The following ATRNL1 variants were observed in gnomAD, a reference collection of about 807,000 sequenced individuals.
ATRNL1 encodes attractin like 1.
In ATRNL1, 95 loss-of-function variants were observed where a neutral mutation model predicts 182.7. The observed-to-expected ratio is 0.52, with a 90% CI of 0.44 to 0.62. The LOEUF is 0.62. Among genes scored for constraint, ATRNL1 ranks in the 20% least tolerant of loss-of-function variants. The pLI is 0.00. For synonymous variants in ATRNL1, 576 were observed against 568.3 expected (o/e 1.01, Z -0.19); for missense variants, 1,471 against 1,679.5 (o/e 0.88, Z 2.17).
intron 19 of ATRNL1, among the ~76,000 whole-genome samples, chr10:115,353,197 G>T (rs1433858441): frequency 1.3e-5 from 2 of 152,140 alleles, no homozygotes; most frequent in African/African-American, 4.8e-5. Context: ...ATTGGAGTCT[G>T]TCTTTCTCTT....
intron 24 of ATRNL1, among the ~76,000 whole-genome samples, chr10:115,508,213 G>A (rs1247619880): frequency 6.6e-6 from 1 of 151,996 alleles, no homozygotes; most frequent in Non-Finnish European, 1.5e-5. Context: ...GCCAAAAACT[G>A]TACCTATATA....
intron 5 of ATRNL1, among the ~76,000 whole-genome samples, chr10:115,143,968 G>T (rs1554878698): frequency 2.0e-5 from 3 of 150,690 alleles, no homozygotes; most frequent in African/African-American, 7.4e-5. Flanking sequence ...AATAATATGA[G>T]AATTTTTTTT....
At chr10:115,356,776 T>C (rs1554942965) in intron 19 of ATRNL1, among the ~76,000 whole-genome samples, 1 of 151,978 alleles carries the variant, frequency 6.6e-6, no homozygotes, top group Non-Finnish European at 1.5e-5. Flanking sequence ...CAACTTTTGC[T>C]ATTTGAATAG....
At chr10:115,133,619 G>A (rs1298038264) in intron 5 of ATRNL1, among the ~76,000 whole-genome samples, 4 of 152,032 alleles carry the variant, frequency 2.6e-5, no homozygotes, top group Non-Finnish European at 4.4e-5. Context: ...ACACCCCACT[G>A]TCAATATTAG....
intron 18 of ATRNL1, among the ~76,000 whole-genome samples, chr10:115,323,149 G>A (rs1554932024): frequency 6.6e-6 from 1 of 151,858 alleles, no homozygotes; most frequent in African/African-American, 2.4e-5. Flanking sequence ...TGTCCCATAT[G>A]TTTTTCCAAG....
At chr10:115,928,772 T>A (rs1316176649) in intron 28 of ATRNL1, among the ~76,000 whole-genome samples, 1 of 152,010 alleles carries the variant, frequency 6.6e-6, no homozygotes, top group East Asian at 1.9e-4. Flanking sequence ...ATACATATGA[T>A]AAAATATTTT....
chr10:115,930,485 C>A (rs1441200614), intron 28 of ATRNL1, among the ~76,000 whole-genome samples: 2 of 152,102 alleles, frequency 1.3e-5, no homozygotes, highest in African/African-American at 2.4e-5. Context: ...AGTCCAACAG[C>A]CAGGCAATTC....
intron 19 of ATRNL1, among the ~76,000 whole-genome samples, chr10:115,381,687 T>C (rs1385590850): frequency 6.6e-6 from 1 of 152,112 alleles, no homozygotes; most frequent in East Asian, 1.9e-4. Flanking sequence ...GATGGTATCA[T>C]TTGTAGCACA....
chr10:115,548,180 G>C (rs1565155300), intron 25 of ATRNL1, among the ~76,000 whole-genome samples: 1 of 152,164 alleles, frequency 6.6e-6, no homozygotes, highest in Non-Finnish European at 1.5e-5. Context: ...AATAAGAATA[G>C]TATATACTAT....
rs143671459 is a variant in ATRNL1, at chr10:115,385,324, G to A, written c.3176-9335G>A. Among the ~76,000 whole-genome samples, 719 of 152,102 alleles carry A rather than the reference G, an allele frequency of 4.7e-3. 4 individuals carry two copies. The highest frequency in any genetic ancestry group is 0.016 in the African/African-American group (682 of 41,520). ...CTAAGGACATTAAATATCTTTTCAT[G>A]TGTTTATTAGCAAGTTGTCTATCTT... On this transcript the variant is annotated intron_variant, in intron 19 of 28. Coordinates refer to ENST00000355044, the MANE Select transcript of ATRNL1 (RefSeq NM_207303.4).
chr10:115,604,643 T>C (rs547703820), intron 26 of ATRNL1, among the ~76,000 whole-genome samples: 2 of 152,228 alleles, frequency 1.3e-5, no homozygotes, highest in South Asian at 4.2e-4. Context: ...TCAGTTCCCA[T>C]TTAGGATACC....
intron 27 of ATRNL1, among the ~76,000 whole-genome samples, chr10:115,728,837 T>C (rs1947697538): frequency 6.6e-6 from 1 of 152,054 alleles, no homozygotes. Context: ...GGGGAAAAAA[T>C]AACAAAAAAG....
At chr10:115,875,285 C>T (rs1951676731) in intron 28 of ATRNL1, among the ~76,000 whole-genome samples, 1 of 152,104 alleles carries the variant, frequency 6.6e-6, no homozygotes. Flanking sequence ...ATTTAGTAGG[C>T]AAGGCCACAT....
chr10:115,143,702 G>A (rs1845844399), intron 5 of ATRNL1, among the ~76,000 whole-genome samples: 1 of 152,102 alleles, frequency 6.6e-6, no homozygotes, highest in Non-Finnish European at 1.5e-5. Flanking sequence ...GAGAGGAGGA[G>A]AGAGCGAGAG....
intron 28 of ATRNL1, among the ~76,000 whole-genome samples, chr10:115,917,385 G>A (rs1952895807): frequency 6.6e-6 from 1 of 150,672 alleles, no homozygotes; most frequent in Admixed American, 6.6e-5. Flanking sequence ...CAGGAGAATG[G>A]CGTGAACCCA....
At chr10:115,679,422 A>G (rs569936685) in intron 26 of ATRNL1, among the ~76,000 whole-genome samples, 4 of 151,844 alleles carry the variant, frequency 2.6e-5, no homozygotes, top group East Asian at 1.9e-4. Flanking sequence ...CTATGTGCCA[A>G]TTACCCTGCC....
intron 28 of ATRNL1, among the ~76,000 whole-genome samples, chr10:115,903,973 G>C (rs1952429686): frequency 6.6e-6 from 1 of 152,062 alleles, no homozygotes; most frequent in African/African-American, 2.4e-5. Context: ...CTTTACTGGG[G>C]GACATGCCTA....
chr10:115,538,378 T>A (rs1212532239), intron 25 of ATRNL1, among the ~76,000 whole-genome samples: 2 of 152,232 alleles, frequency 1.3e-5, no homozygotes, highest in African/African-American at 4.8e-5. Context: ...ACATTTTTTA[T>A]TTTAGCCATT....
chr10:115,133,576 T>C (rs1205295752), intron 5 of ATRNL1, among the ~76,000 whole-genome samples: 1 of 152,104 alleles, frequency 6.6e-6, no homozygotes, highest in Non-Finnish European at 1.5e-5. Context: ...CAAAGAGACT[T>C]AGACTCCCAC....
Sources: gnomAD v4.1 joint callset for allele counts (sites outside exome capture counted in the v4.1 genomes callset) on GRCh38, gnomAD v4.1.1 for gene constraint, MANE v1.5 for transcripts, NCBI Gene and HGNC (gene_info 2026-07-23, HGNC 2026-07-21) for gene names.